The following DAZ3 variants were observed in gnomAD, a reference collection of about 807,000 sequenced individuals.
DAZ3 encodes the protein deleted in azoospermia protein 3.
chrY:24,775,715 G>T (rs2090178895), intron 15 of DAZ3, among the ~76,000 whole-genome samples: 1 of 15,905 alleles, frequency 6.3e-5, no homozygotes, highest in Non-Finnish European at 1.0e-4. Context: ...TGATGATATG[G>T]TCTATCATTA....
chrY:24,777,059 G>A (rs1603606252), intron 15 of DAZ3, among the ~76,000 whole-genome samples: 1 of 17,926 alleles, frequency 5.6e-5, no homozygotes, highest in Non-Finnish European at 1.3e-4. Context: ...GGCTTCAGAC[G>A]ATCAAATTAC....
At chrY:24,777,188 T>C in intron 15 of DAZ3, among the ~76,000 whole-genome samples, 1 of 22,030 alleles carries the variant, frequency 4.5e-5, no homozygotes, top group Non-Finnish European at 1.0e-4. Context: ...AAGGAGCTGA[T>C]GGAGCTGAAA....
chrY:24,777,039 G>C (rs2090179411), intron 15 of DAZ3, among the ~76,000 whole-genome samples: 1 of 14,808 alleles, frequency 6.8e-5, no homozygotes, highest in Non-Finnish European at 1.6e-4. Context: ...TTGACGAGCT[G>C]AGAGAAGAAG....
Position 24,775,863 on chromosome Y carries a change from AG to A in DAZ3, c.1147-1443del, listed in dbSNP as rs781774779. Among the ~76,000 whole-genome samples the A allele has an allele frequency of 3.2e-3, 34 of 10,733 alleles. No individual in the cohort carries two copies. In the East Asian group the frequency reaches 0.14, roughly 44 times the overall value. The allele number at this position is 10,733 out of a possible 37,273, so 28.8% of individuals were successfully genotyped here. The stretch of plus-strand genomic sequence containing the variant: ...ATTGATATAAAAATCACTTAAAAAT[AG>A]TAATAGGCATATACGACGTGGAAAA... On this transcript the variant is annotated intron_variant, in intron 15 of 18. Transcript: ENST00000382365.
At chrY:24,782,035 A>T (rs1603606316) in intron 15 of DAZ3, among the ~76,000 whole-genome samples, 17 of 29,704 alleles carry the variant, frequency 5.7e-4, no homozygotes, top group Non-Finnish European at 1.2e-3. Context: ...ATAATTTTTT[A>T]AAAAAAAAGA....
chrY:24,777,327 AAG>A (rs2090179497), intron 15 of DAZ3, among the ~76,000 whole-genome samples: 2 of 17,902 alleles, frequency 1.1e-4, no homozygotes, highest in East Asian at 3.5e-3. Context: ...TTGGAGAAAA[AAG>A]AATAAAACGA....
At chrY:24,782,158 T>C (rs2090180644) in intron 15 of DAZ3, among the ~76,000 whole-genome samples, 1 of 22,181 alleles carries the variant, frequency 4.5e-5, no homozygotes, top group South Asian at 9.4e-4. Flanking sequence ...TAAGTTAAAT[T>C]AATACATTTG....
At position 24,775,866 on chromosome Y, in the gene DAZ3, A is replaced by T. The variant is rs1603606225; in HGVS notation, c.1147-1445T>A. Among the ~76,000 whole-genome samples, 32 of 10,272 alleles carry T rather than the reference A, an allele frequency of 3.1e-3. No individual in the cohort carries two copies. The East Asian group carries it at 0.15, about 47-fold the overall frequency. The allele number at this position is 10,272 out of a possible 37,273, so 27.6% of individuals were successfully genotyped here. On this transcript the variant is annotated intron_variant, in intron 15 of 18. Transcript: ENST00000382365. ...GATATAAAAATCACTTAAAAATAGTAATAGGCATATACGACGTGGAAAAAA... is the reference window on the plus strand; with the variant it reads ...GATATAAAAATCACTTAAAAATAGTTATAGGCATATACGACGTGGAAAAAA...
intron 15 of DAZ3, among the ~76,000 whole-genome samples, chrY:24,777,033 C>T (rs1603606251): frequency 4.1e-3 from 54 of 13,217 alleles, no homozygotes; most frequent in Admixed American, 0.013. Context: ...ATGACTTTGA[C>T]GAGCTGAGAG....
intron 15 of DAZ3, among the ~76,000 whole-genome samples, chrY:24,777,127 A>C: frequency 1.2e-4 from 3 of 25,806 alleles, no homozygotes; most frequent in Non-Finnish European, 2.6e-4. Context: ...CTTTGGAAAA[A>C]AAAATGTAGA....
At chrY:24,782,054 C>T (rs1603606317) in intron 15 of DAZ3, among the ~76,000 whole-genome samples, 1 of 30,340 alleles carries the variant, frequency 3.3e-5, no homozygotes, top group Non-Finnish European at 8.6e-5. Context: ...GAATTGACTA[C>T]TTCACCAAAG....
chrY:24,782,034 T>A lies in DAZ3; in HGVS notation c.1146+2103A>T, dbSNP rs1421942876. Among the ~76,000 whole-genome samples the A allele has an allele frequency of 2.7e-4, 8 of 29,650 alleles. No individual in the cohort carries two copies. In the East Asian group the frequency reaches 4.4e-3, roughly 16 times the overall value. The allele number at this position is 29,650 out of a possible 37,273, so 79.5% of individuals were successfully genotyped here. A position where few individuals can be genotyped will look rare whatever the true frequency, so the allele number is the denominator to read the frequency against. On this transcript the variant is annotated intron_variant, in intron 15 of 18. Coordinates refer to ENST00000382365, the MANE Select transcript of DAZ3 (RefSeq NM_020364.4). ...CCCTAAAACTTAAAGCATAATTTTT[T>A]AAAAAAAAAGAATTGACTACTTCAC...
chrY:24,777,146 T>C (rs2090179464), intron 15 of DAZ3, among the ~76,000 whole-genome samples: 1 of 25,194 alleles, frequency 4.0e-5, no homozygotes, highest in South Asian at 9.6e-4. Context: ...GAAGAATGTA[T>C]AACTAGAATA....
At chrY:24,777,059 G>C in intron 15 of DAZ3, among the ~76,000 whole-genome samples, 6 of 17,926 alleles carry the variant, frequency 3.3e-4, no homozygotes, top group Non-Finnish European at 5.2e-4. Context: ...GGCTTCAGAC[G>C]ATCAAATTAC....
intron 15 of DAZ3, among the ~76,000 whole-genome samples, chrY:24,775,791 G>A: frequency 5.2e-5 from 1 of 19,323 alleles, no homozygotes; most frequent in Non-Finnish European, 8.9e-5. Context: ...TGCTCCCATG[G>A]GAGTTTACAA....
chrY:24,782,124 G>A, intron 15 of DAZ3, among the ~76,000 whole-genome samples: 1 of 27,833 alleles, frequency 3.6e-5, no homozygotes, highest in Non-Finnish European at 9.4e-5. Flanking sequence ...TGGTGATAAG[G>A]CTCCATTAAG....
chrY:24,775,719 A>G (rs2090178905), intron 15 of DAZ3, among the ~76,000 whole-genome samples: 1 of 16,571 alleles, frequency 6.0e-5, no homozygotes, highest in Non-Finnish European at 1.0e-4. Context: ...GATATGGTCT[A>G]TCATTAAGTG....
chrY:24,777,170 A>G (rs2090179471), intron 15 of DAZ3, among the ~76,000 whole-genome samples: 1 of 24,099 alleles, frequency 4.1e-5, no homozygotes, highest in South Asian at 1.0e-3. Context: ...AATACAGAGA[A>G]GTGCTTAAAG....
At chrY:24,775,804 G>C in intron 15 of DAZ3, among the ~76,000 whole-genome samples, 2 of 19,038 alleles carry the variant, frequency 1.1e-4, no homozygotes, top group Non-Finnish European at 1.8e-4. Context: ...GTTTACAATC[G>C]GGTTAACAAG....
Sources: gnomAD v4.1 joint callset for allele counts (sites outside exome capture counted in the v4.1 genomes callset) on GRCh38, gnomAD v4.1.1 for gene constraint, MANE v1.5 for transcripts, NCBI Gene and HGNC (gene_info 2026-07-23, HGNC 2026-07-21) for gene names.